The following SPIRE1 variants were observed in gnomAD, a reference collection of about 807,000 sequenced individuals.
SPIRE1 encodes the protein spire type actin nucleation factor 1.
In SPIRE1, 40 loss-of-function variants were observed where a neutral mutation model predicts 94.1. The observed-to-expected ratio is 0.43, with a 90% CI of 0.33 to 0.55. The LOEUF (loss-of-function observed/expected upper bound fraction) is 0.55. Ranked by LOEUF, SPIRE1 falls within the 20% of genes least tolerant of loss-of-function variation. SPIRE1 has a pLI of 0.06. For missense variants in SPIRE1, 838 were observed against 975.2 expected (o/e 0.86, Z 1.87); for synonymous variants, 376 against 371.7 (o/e 1.01, Z -0.13).
intron 2 of SPIRE1, among the ~76,000 whole-genome samples, chr18:12,633,604 C>T (rs1374651303): frequency 6.6e-6 from 1 of 150,608 alleles, no homozygotes. Flanking sequence ...AAAGAAAATA[C>T]AAAAATTAAT....
intron 8 of SPIRE1, among the ~76,000 whole-genome samples, chr18:12,488,940 C>A (rs1219620813): frequency 6.6e-6 from 1 of 152,142 alleles, no homozygotes; most frequent in Non-Finnish European, 1.5e-5. Flanking sequence ...AATCCCAGCA[C>A]TTTCGGAGGC....
chr18:12,578,897 A>G (rs2036181712), intron 2 of SPIRE1, among the ~76,000 whole-genome samples: 1 of 152,218 alleles, frequency 6.6e-6, no homozygotes, highest in Non-Finnish European at 1.5e-5. Context: ...CTTTTTTTCT[A>G]TAAGTAAGCC....
At chr18:12,460,365 G>GA (rs369145476) in intron 12 of SPIRE1, among the ~76,000 whole-genome samples, 84 of 151,846 alleles carry the variant, frequency 5.5e-4, no homozygotes, top group East Asian at 1.7e-3. Flanking sequence ...ACCAAATGAT[G>GA]AAAAAAAATG....
intron 8 of SPIRE1, among the ~76,000 whole-genome samples, chr18:12,492,559 A>G (rs1306596876): frequency 2.0e-5 from 3 of 152,258 alleles, no homozygotes; most frequent in Non-Finnish European, 4.4e-5. Flanking sequence ...TAAACCCATA[A>G]TAAACAAACA....
At chr18:12,588,751 G>A (rs111333725) in intron 2 of SPIRE1, among the ~76,000 whole-genome samples, 2,234 of 151,994 alleles carry the variant, frequency 0.015, 64 homozygotes, top group African/African-American at 0.051. Context: ...TAAAAACTCC[G>A]GAAAACTACA....
At chr18:12,473,105 A>T (rs1284444616) in intron 10 of SPIRE1, among the ~76,000 whole-genome samples, 1 of 152,066 alleles carries the variant, frequency 6.6e-6, no homozygotes, top group African/African-American at 2.4e-5. Flanking sequence ...AAATTTTTGT[A>T]GAGATGGGGG....
chr18:12,458,541 G>C (rs1051005367), intron 12 of SPIRE1, among the ~76,000 whole-genome samples: 4 of 152,070 alleles, frequency 2.6e-5, no homozygotes, highest in African/African-American at 9.7e-5. Flanking sequence ...GTGAACCCAG[G>C]AGGCGGAGCT....
At chr18:12,586,391 C>T (rs368224677) in intron 2 of SPIRE1, among the ~76,000 whole-genome samples, 4 of 152,192 alleles carry the variant, frequency 2.6e-5, no homozygotes, top group African/African-American at 4.8e-5. Context: ...TCTCTACATT[C>T]GTTCTTTTGC....
At chr18:12,619,833 G>A (rs1487792204) in intron 2 of SPIRE1, among the ~76,000 whole-genome samples, 14 of 136,684 alleles carry the variant, frequency 1.0e-4, no homozygotes, top group African/African-American at 2.7e-4. Context: ...GCAACAGAGC[G>A]AGACTCTGCC....
intron 2 of SPIRE1, among the ~76,000 whole-genome samples, chr18:12,568,783 A>G (rs1048004382): frequency 6.6e-6 from 1 of 152,202 alleles, no homozygotes; most frequent in Non-Finnish European, 1.5e-5. Context: ...GATATAAATT[A>G]TTTCCTCTCA....
At chr18:12,618,802 C>T (rs932133778) in intron 2 of SPIRE1, among the ~76,000 whole-genome samples, 4 of 152,126 alleles carry the variant, frequency 2.6e-5, no homozygotes, top group Non-Finnish European at 4.4e-5. Flanking sequence ...TTTAAATATT[C>T]TCTCATAAAA....
chr18:12,478,778 G>C (rs760488510), intron 10 of SPIRE1, among the ~76,000 whole-genome samples: 1 of 152,086 alleles, frequency 6.6e-6, no homozygotes, highest in African/African-American at 2.4e-5. Flanking sequence ...TACTGACATC[G>C]CAGATGGGGG....
chr18:12,660,730 A>AGTTGC (rs556757716), upstream of SPIRE1, among the ~76,000 whole-genome samples: 41 of 150,430 alleles, frequency 2.7e-4, 1 homozygote, highest in South Asian at 8.5e-3. Flanking sequence ...ACTGTATCAC[A>AGTTGC]AGACAGTTAT....
At chr18:12,649,539 GA>G (rs2144885591) in intron 1 of SPIRE1, among the ~76,000 whole-genome samples, 1 of 152,290 alleles carries the variant, frequency 6.6e-6, no homozygotes, top group African/African-American at 2.4e-5. Flanking sequence ...AAGTAAAAGG[GA>G]AATACATACA....
At position 12,447,027 on chromosome 18, in the gene SPIRE1, T is replaced by C. The variant is rs900821486; in HGVS notation, c.*2611A>G. ...TGAATGAATGCCTTTCAAATATTAA[T>C]AAATATATTACAGTATTTACAAGCA... On this transcript the variant is annotated 3_prime_UTR_variant, in exon 17 of 17. Transcript: ENST00000409402. 1 of 152,202 alleles carries C rather than the reference T, an allele frequency of 6.6e-6. No homozygotes were observed. The highest frequency in any genetic ancestry group is 6.5e-5 in the Admixed American group (1 of 15,276). The allele number at this position is 152,202 out of a possible 1,614,324, so 9.4% of individuals were successfully genotyped here.
At chr18:12,533,447 A>G (rs763493106) in intron 4 of SPIRE1, among the ~76,000 whole-genome samples, 1 of 152,268 alleles carries the variant, frequency 6.6e-6, no homozygotes, top group Non-Finnish European at 1.5e-5. Flanking sequence ...ATGTGCTGAC[A>G]TAACAAGGTT....
At chr18:12,661,342 G>A (rs866199518), upstream of SPIRE1, 4 of 982,998 alleles carry the variant, frequency 4.1e-6, no homozygotes, top group East Asian at 1.1e-4. Flanking sequence ...AAGCCTTACC[G>A]TCATCCATCA....
At chr18:12,455,809 C>G (rs190576641) in intron 12 of SPIRE1, among the ~76,000 whole-genome samples, 129 of 152,328 alleles carry the variant, frequency 8.5e-4, no homozygotes, top group Non-Finnish European at 1.5e-3. Flanking sequence ...CACAGGCACT[C>G]AGGAATCCAA....
intron 1 of SPIRE1, among the ~76,000 whole-genome samples, chr18:12,640,959 G>A (rs764384302): frequency 6.6e-6 from 1 of 152,166 alleles, no homozygotes; most frequent in Non-Finnish European, 1.5e-5. Flanking sequence ...GAAGAACGTA[G>A]TGGAGACAGC....
Sources: gnomAD v4.1 joint callset for allele counts (sites outside exome capture counted in the v4.1 genomes callset) on GRCh38, gnomAD v4.1.1 for gene constraint, MANE v1.5 for transcripts, NCBI Gene and HGNC (gene_info 2026-07-23, HGNC 2026-07-21) for gene names.